PRELID3B: variants seen among roughly 807,000 people sequenced by gnomAD.
PRELID3B encodes PRELI domain containing protein 3B.
PRELID3B carries 15 observed loss-of-function variants against 24.0 expected under a neutral mutation model. The ratio of observed to expected loss-of-function variants is 0.63; its 90% CI spans 0.42 to 0.96. The LOEUF is 0.96. Among genes scored for constraint, PRELID3B ranks in the 40% least tolerant of loss-of-function variants. The pLI, the probability that PRELID3B is intolerant of heterozygous loss-of-function variation, is 0.00. For synonymous variants in PRELID3B, 62 were observed against 76.0 expected (o/e 0.82, Z 0.96); for missense variants, 189 against 236.0 (o/e 0.80, Z 1.30).
intron 2 of PRELID3B, among the ~76,000 whole-genome samples, chr20:59,037,554 C>T (rs936682755): frequency 6.6e-6 from 1 of 152,172 alleles, no homozygotes; most frequent in Non-Finnish European, 1.5e-5. Context: ...GAATCTGCCG[C>T]GGTGCGACGG....
Position 59,036,785 on chromosome 20 carries a change from A to G in PRELID3B, c.292-25T>C, listed in dbSNP as rs192931335. 43 of 1,413,464 alleles carry G rather than the reference A, an allele frequency of 3.0e-5. No individual in the cohort carries two copies. The Admixed American group carries it at 8.8e-4, about 29-fold the overall frequency. The allele number at this position is 1,413,464 out of a possible 1,614,324, so 87.6% of individuals were successfully genotyped here. A position where few individuals can be genotyped will look rare whatever the true frequency, so the allele number is the denominator to read the frequency against. The stretch of plus-strand genomic sequence containing the variant: ...TCTACAGAATGAAGAAAAAAAAAAA[A>G]GATCAAATCATTTTGGAACTGAAGA... On this transcript the variant is annotated intron_variant, in intron 3 of 5. Coordinates refer to ENST00000355937, the MANE Select transcript of PRELID3B (RefSeq NM_016045.3).
rs2092046645 is a variant in PRELID3B at position 59,033,185 on chromosome 20, A to G, written c.*1822T>C. 6.6e-6 allele frequency: 1 copy of G among 152,246 alleles called. No individual in the cohort carries two copies. Among genetic ancestry groups the G allele is most frequent in the Admixed American group, 6.5e-5 (1 of 15,288 alleles). The allele number at this position is 152,246 out of a possible 1,614,324, so 9.4% of individuals were successfully genotyped here. A position where few individuals can be genotyped will look rare whatever the true frequency, so the allele number is the denominator to read the frequency against. On this transcript the variant is annotated 3_prime_UTR_variant, in exon 6 of 6. Transcript: ENST00000355937. ...TTTTTATTAACAAAAGTTTTCCTTA[A>G]TTCACATTTCAACTTTATTAAATAG...
chr20:59,040,334 C>T lies in PRELID3B; in HGVS notation c.33-1700G>A, dbSNP rs1306384857. Among the ~76,000 whole-genome samples the T allele has an allele frequency of 6.6e-6, 1 of 152,224 alleles. No individual in the cohort carries two copies. Among genetic ancestry groups the T allele is most frequent in the East Asian group, 1.9e-4 (1 of 5,204 alleles). ...AAAAGATCTCACAATGGAAGACATT[C>T]AAAGACCACGCCAAAGTAGAATCAG... On this transcript the variant is annotated intron_variant, in intron 1 of 5. Transcript: ENST00000355937. The surrounding 1 kb of genome is among the most constrained non-coding windows in gnomAD (Gnocchi z 4.1).
rs775589807 is a variant in PRELID3B, at chr20:59,038,508, T to A, written c.159A>T (p.Arg53Ser). 27 of 1,613,942 alleles carry A rather than the reference T, an allele frequency of 1.7e-5. No homozygotes were observed. The highest frequency in any genetic ancestry group is 2.2e-5 in the Non-Finnish European group (26 of 1,179,860). ...GCAGTCCCCACTCTGTGCTGAGAAG[T>A]CTGTGGCTGTGCAACTTTCCAGAGG... ...IDPSGKLHSH[R>S]LLSTEWGLPS... is the part of the protein sequence containing the mutation. Residue 53 changes from arginine (R) to serine (S), a missense_variant, in exon 2 of 6, where the codon AGA (arginine) becomes AGT (serine). Arg to Ser is a moderately radical substitution (Grantham distance 110, BLOSUM62 -1). Transcript: ENST00000355937.
At chr20:59,035,766 C>T (rs547682051) in intron 5 of PRELID3B, among the ~76,000 whole-genome samples, 7 of 152,332 alleles carry the variant, frequency 4.6e-5, no homozygotes, top group African/African-American at 1.7e-4. Flanking sequence ...CCTCTTAGTT[C>T]CACGGGGGCA....
rs2092105558 is a variant in PRELID3B at position 59,040,905 on chromosome 20, A to C, written c.32+1794T>G. ...ACGGATCAGGGCTGCTTCTCCCAGG[A>C]CAAAAAAAAAGTCTGTGACGAAAAG... On this transcript the variant is annotated intron_variant, in intron 1 of 5. Transcript: ENST00000355937. The surrounding 1 kb of genome is among the most constrained non-coding windows in gnomAD (Gnocchi z 4.1). 6.6e-6 allele frequency among the ~76,000 whole-genome samples: 1 copy of C among 152,220 alleles called. No individual in the cohort carries two copies. Among genetic ancestry groups the C allele is most frequent in the Admixed American group, 6.5e-5 (1 of 15,286 alleles).
At chr20:59,037,371 A>C in intron 2 of PRELID3B, 91 bp from the exon 3 acceptor site, 2 of 1,005,408 alleles carry the variant, frequency 2.0e-6, no homozygotes, top group Non-Finnish European at 3.1e-6. Flanking sequence ...AATGTGTTAC[A>C]ATATTTTGAA....
intron 3 of PRELID3B, 46 bp downstream of exon 3, chr20:59,037,145 C>T (rs2092079030): frequency 1.4e-6 from 2 of 1,427,780 alleles, no homozygotes; most frequent in Middle Eastern, 2.3e-4. Context: ...GGACAAAGAA[C>T]TCAGCCAGAC....
intron 1 of PRELID3B, among the ~76,000 whole-genome samples, chr20:59,039,016 T>C (rs2092094061): frequency 6.6e-6 from 1 of 152,236 alleles, no homozygotes; most frequent in South Asian, 2.1e-4. Context: ...CATTATGCCA[T>C]TTATTATTTT....
At chr20:59,036,009 C>T (rs989046345) in intron 5 of PRELID3B, among the ~76,000 whole-genome samples, 1 of 152,138 alleles carries the variant, frequency 6.6e-6, no homozygotes, top group African/African-American at 2.4e-5. Flanking sequence ...AAAGCCCACA[C>T]ATATGTATAT....
chr20:59,037,928 A>C (rs1233686268), intron 2 of PRELID3B, among the ~76,000 whole-genome samples: 1 of 152,182 alleles, frequency 6.6e-6, no homozygotes, highest in Non-Finnish European at 1.5e-5. Context: ...CACTTATTAT[A>C]CCAGTTTTCT....
At position 59,033,232 on chromosome 20, in the gene PRELID3B, C is replaced by T. The variant is rs1263985252; in HGVS notation, c.*1775G>A. On this transcript the variant is annotated 3_prime_UTR_variant, in exon 6 of 6. Transcript: ENST00000355937. ...ATAGTCCAAGGGTTTCATTTATGAACACTTATTCCAGTTTAGTTCTCTTAA... is the reference window on the plus strand; with the variant it reads ...ATAGTCCAAGGGTTTCATTTATGAATACTTATTCCAGTTTAGTTCTCTTAA... The T allele has an allele frequency of 6.6e-6, 1 of 152,188 alleles. No individual in the cohort carries two copies. Among genetic ancestry groups the T allele is most frequent in the Non-Finnish European group, 1.5e-5 (1 of 68,030 alleles). 9.4% of individuals were successfully genotyped at this position (152,188 alleles called of 1,614,324 possible). A position where few individuals can be genotyped will look rare whatever the true frequency, so the allele number is the denominator to read the frequency against.
In PRELID3B at chr20:59,034,734, AC is replaced by A. The variant is rs1555810702; in HGVS notation, c.*272del. 3.5e-5 allele frequency: 11 copies of A among 312,210 alleles called. No homozygotes were observed. The South Asian group carries it at 5.7e-4, about 16-fold the overall frequency. 19.3% of individuals were successfully genotyped at this position (312,210 alleles called of 1,614,324 possible). A position where few individuals can be genotyped will look rare whatever the true frequency, so the allele number is the denominator to read the frequency against. On this transcript the variant is annotated 3_prime_UTR_variant, in exon 6 of 6. Transcript: ENST00000355937. The stretch of plus-strand genomic sequence containing the variant: ...TACCTTAAGGAGACTGAATATCAAT[AC>A]CAGTTTCCAAGGAGTTCTTGTTGAA...
chr20:59,042,448 G>A (rs1399431936), intron 1 of PRELID3B, among the ~76,000 whole-genome samples: 3 of 152,182 alleles, frequency 2.0e-5, no homozygotes, highest in Non-Finnish European at 2.9e-5. Context: ...GGACAGCCCG[G>A]AAGTGACCCC....
In PRELID3B at chr20:59,035,832, A is replaced by G. The variant is rs150824136; in HGVS notation, c.465+639T>C. ...TACCCTGTCTAGCCTAGCACTCTGC[A>G]TGGCACAGAGAAGGCATCCATGAGT... On this transcript the variant is annotated intron_variant, in intron 5 of 5. Coordinates refer to ENST00000355937, the MANE Select transcript of PRELID3B (RefSeq NM_016045.3). Among the ~76,000 whole-genome samples the G allele has an allele frequency of 3.7e-3, 558 of 152,300 alleles. 2 individuals are homozygous for G. Among genetic ancestry groups the G allele is most frequent in the African/African-American group, 0.013 (535 of 41,558 alleles).
intron 2 of PRELID3B, 44 bp from the exon 3 acceptor site, chr20:59,037,324 T>C (rs2092080704): frequency 7.4e-7 from 1 of 1,342,712 alleles, no homozygotes; most frequent in African/African-American, 1.4e-5. Flanking sequence ...AGGAAGAATT[T>C]CTTACCAAGT....
chr20:59,037,333 G>A, intron 2 of PRELID3B, 53 bp from the exon 3 acceptor site: 1 of 1,320,768 alleles, frequency 7.6e-7, no homozygotes, highest in Non-Finnish European at 1.1e-6. Context: ...TTCTTACCAA[G>A]TCTATCAATA....
chr20:59,037,213 G>C lies in PRELID3B; in HGVS notation c.269C>G (p.Thr90Arg), dbSNP rs376167473. The change falls in exon 3 of 6, where the codon ACA becomes AGA. Residue 90 changes from threonine (T) to arginine (R), a missense_variant. Thr to Arg is a moderately conservative substitution (Grantham distance 71). Coordinates refer to ENST00000355937, the MANE Select transcript of PRELID3B (RefSeq NM_016045.3). Reference sequence around the variant, plus strand: ...TACATTAGTAGATTTAAGTTCCATTGTTTTCTCTACAGGATCAACTACAGA... The same window carrying C: ...TACATTAGTAGATTTAAGTTCCATTCTTTTCTCTACAGGATCAACTACAGA... ...EHSVVDPVEK[T>R]MELKSTNISF... is the part of the protein sequence containing the mutation. 1.2e-6 allele frequency: 2 copies of C among 1,613,424 alleles called. No individual in the cohort carries two copies. Among genetic ancestry groups the C allele is most frequent in the South Asian group, 2.2e-5 (2 of 91,032 alleles).
intron 1 of PRELID3B, 121 bp downstream of exon 1, chr20:59,042,578 G>A (rs1601255633): frequency 8.8e-7 from 1 of 1,131,136 alleles, no homozygotes. Flanking sequence ...GCAGGCTTCA[G>A]AGTTCGCTCC....
Sources: allele counts gnomAD v4.1 joint callset (sites outside exome capture counted in the v4.1 genomes callset), GRCh38; gene constraint gnomAD v4.1.1; non-coding constraint Gnocchi (gnomAD v3.1); transcripts MANE v1.5; gene names NCBI Gene and HGNC (gene_info 2026-07-23, HGNC 2026-07-21).